Variants in STAMBP observed in about 807,000 individuals in gnomAD.
The protein encoded by STAMBP is STAM binding protein.
In STAMBP, 31 loss-of-function variants were observed where a neutral mutation model predicts 50.7. The observed-to-expected ratio is 0.61, with a 90% CI of 0.46 to 0.83. STAMBP has a LOEUF of 0.83. Among genes scored for constraint, STAMBP ranks in the 40% least tolerant of loss-of-function variants. The pLI, the probability that STAMBP is intolerant of heterozygous loss-of-function variation, is 0.00. For synonymous variants in STAMBP, 211 were observed against 192.4 expected, an observed-to-expected ratio of 1.10 and a Z score of -0.80; for missense variants, 472 against 518.9, an observed-to-expected ratio of 0.91 and a Z score of 0.88.
chr2:73,871,841 C>T (rs1470281973), downstream of STAMBP, among the ~76,000 whole-genome samples: 1 of 152,082 alleles, frequency 6.6e-6, no homozygotes, highest in Non-Finnish European at 1.5e-5. Context: ...GATCTCAGCT[C>T]ACCGCAACCT....
At position 73,862,957 on chromosome 2, in the gene STAMBP, T is replaced by G. The variant is rs1678513179; in HGVS notation, c.*698T>G. The G allele has an allele frequency of 6.6e-6, 1 of 152,320 alleles. No individual in the cohort carries two copies. The highest frequency in any genetic ancestry group is 6.5e-5 in the Admixed American group (1 of 15,284). The allele number at this position is 152,320 out of a possible 1,614,324, so 9.4% of individuals were successfully genotyped here. On this transcript the variant is annotated 3_prime_UTR_variant, in exon 10 of 10. Coordinates refer to ENST00000394070, the MANE Select transcript of STAMBP (RefSeq NM_213622.4). ...AGGTTAAAAAAAAGGTATGGTTGTT[T>G]TGGAAAGGTGAAGGAAAAATGGAAT... is the stretch of plus-strand genomic sequence containing the variant.
At chr2:73,855,990 G>C (rs1677501572) in intron 7 of STAMBP, among the ~76,000 whole-genome samples, 1 of 152,122 alleles carries the variant, frequency 6.6e-6, no homozygotes, top group Non-Finnish European at 1.5e-5. Context: ...AATCATGCTA[G>C]ATCTTTTTCC....
At chr2:73,855,707 C>G (rs1352834545) in intron 7 of STAMBP, 25 of 455,960 alleles carry the variant, frequency 5.5e-5, no homozygotes. Context: ...CTAACACGTT[C>G]CTGTCCTGAA....
chr2:73,842,137 A>C (rs933508320), intron 2 of STAMBP, among the ~76,000 whole-genome samples: 2 of 152,210 alleles, frequency 1.3e-5, no homozygotes, highest in African/African-American at 4.8e-5. Context: ...TACAAAGCAA[A>C]GTAAATAAAT....
At chr2:73,861,066 G>GTACTAGGATGTT (rs1678268320) in intron 9 of STAMBP, among the ~76,000 whole-genome samples, 1 of 152,186 alleles carries the variant, frequency 6.6e-6, no homozygotes, top group African/African-American at 2.4e-5. Flanking sequence ...GAATGTCTAA[G>GTACTAGGATGTT]TACTAGGATG....
Position 73,862,290 on chromosome 2 carries a change from C to T in STAMBP, c.*31C>T. On this transcript the variant is annotated 3_prime_UTR_variant, in exon 10 of 10. Coordinates refer to ENST00000394070, the MANE Select transcript of STAMBP (RefSeq NM_213622.4). ...TGAGTCCAACACCTTCCAAGAACAA[C>T]AAAACCATATCAGTGTACTGTAGCC... The T allele has an allele frequency of 6.3e-7, 1 of 1,597,590 alleles. No individual in the cohort carries two copies. The highest frequency in any genetic ancestry group is 8.5e-7 in the Non-Finnish European group (1 of 1,172,052).
intron 2 of STAMBP, among the ~76,000 whole-genome samples, chr2:73,835,671 A>G (rs993087420): frequency 6.6e-6 from 1 of 152,190 alleles, no homozygotes; most frequent in African/African-American, 2.4e-5. Context: ...CACTTAGGAA[A>G]AAAGATACTG....
At chr2:73,842,765 A>G (rs1675559110) in intron 2 of STAMBP, among the ~76,000 whole-genome samples, 2 of 152,202 alleles carry the variant, frequency 1.3e-5, no homozygotes, top group Admixed American at 1.3e-4. Flanking sequence ...ATACTTGTAC[A>G]TATATGTAAT....
In STAMBP at chr2:73,862,348, G is replaced by A; in HGVS notation, c.*89G>A. ...TTAAGCTTTCTAGAAAGCTTTGGAA[G>A]TTTTTGTAGATAGTAGAAAGGGGGG... On this transcript the variant is annotated 3_prime_UTR_variant, in exon 10 of 10. Transcript: ENST00000394070. 8.1e-7 allele frequency: 1 copy of A among 1,235,706 alleles called. No individual in the cohort carries two copies. Among genetic ancestry groups the A allele is most frequent in the Non-Finnish European group, 1.1e-6 (1 of 901,448 alleles). The allele number at this position is 1,235,706 out of a possible 1,614,324, so 76.5% of individuals were successfully genotyped here.
chr2:73,842,855 G>T (rs933362643), intron 2 of STAMBP, among the ~76,000 whole-genome samples: 6 of 152,186 alleles, frequency 3.9e-5, no homozygotes, highest in African/African-American at 1.4e-4. Flanking sequence ...AAAGAAGCAT[G>T]AAACACAGAA....
rs1678597106 is a variant in STAMBP at position 73,863,684 on chromosome 2, C to T, written c.*1425C>T. On this transcript the variant is annotated 3_prime_UTR_variant, in exon 10 of 10. Coordinates refer to ENST00000394070, the MANE Select transcript of STAMBP (RefSeq NM_213622.4). ...GGACAAGCCATTTCCTGCTGCAGCC[C>T]AGAGCAGCCTGGCTGTTCCACCTTG... 1 of 152,228 alleles carries T rather than the reference C, an allele frequency of 6.6e-6. No homozygotes were observed. The highest frequency in any genetic ancestry group is 2.4e-5 in the African/African-American group (1 of 41,454). The allele number at this position is 152,228 out of a possible 1,614,324, so 9.4% of individuals were successfully genotyped here.
At chr2:73,856,978 A>G (rs972087463) in intron 7 of STAMBP, among the ~76,000 whole-genome samples, 1 of 152,138 alleles carries the variant, frequency 6.6e-6, no homozygotes, top group Non-Finnish European at 1.5e-5. Flanking sequence ...AACCCCAGGG[A>G]AGCCTTTTCT....
intron 2 of STAMBP, among the ~76,000 whole-genome samples, chr2:73,840,743 C>CA (rs1207262099): frequency 1.2e-3 from 131 of 107,186 alleles, no homozygotes; most frequent in South Asian, 3.8e-3. Context: ...GACTCTGTCT[C>CA]AAAAAAAAAA....
intron 9 of STAMBP, among the ~76,000 whole-genome samples, chr2:73,860,990 G>A (rs894949355): frequency 6.6e-6 from 1 of 152,178 alleles, no homozygotes; most frequent in African/African-American, 2.4e-5. Flanking sequence ...TGGAATGATG[G>A]TTTTCTGCTG....
intron 7 of STAMBP, 108 bp from the exon 8 acceptor site, chr2:73,859,146 G>C: frequency 1.3e-6 from 1 of 763,466 alleles, no homozygotes; most frequent in Middle Eastern, 2.3e-4. Flanking sequence ...AATATTTTCA[G>C]ATTGCAGTTG....
In STAMBP at chr2:73,844,821, T is replaced by A. The variant is rs776031046; in HGVS notation, c.212T>A (p.Ile71Asn). Residue 71 changes from isoleucine to asparagine, a missense_variant, in exon 3 of 10, where the codon ATT (isoleucine) becomes AAT (asparagine). By Grantham distance (149) the Ile-to-Asn change is moderately radical. Transcript: ENST00000394070. Reference protein sequence around the residue: ...ILYNKYITLFIEKLPKHRDYK... With the variant: ...ILYNKYITLFNEKLPKHRDYK... ...TTGAACTGTTTCCTTAGGCTCTTTA[T>A]TGAGAAACTACCAAAACATCGAGAT... 6.2e-7 allele frequency: 1 copy of A among 1,613,922 alleles called. No individual in the cohort carries two copies. The highest frequency in any genetic ancestry group is 8.5e-7 in the Non-Finnish European group (1 of 1,179,852).
intron 2 of STAMBP, among the ~76,000 whole-genome samples, chr2:73,839,564 C>G (rs894126232): frequency 6.6e-6 from 1 of 152,156 alleles, no homozygotes; most frequent in Admixed American, 6.5e-5. Flanking sequence ...CTGGAAGAAT[C>G]GAGATGAGGA....
chr2:73,843,115 C>T (rs555927174), intron 2 of STAMBP, among the ~76,000 whole-genome samples: 85 of 151,242 alleles, frequency 5.6e-4, no homozygotes, highest in African/African-American at 1.9e-3. Context: ...ATAGATTCTT[C>T]AGGACTTTAT....
intron 10 of STAMBP, among the ~76,000 whole-genome samples, chr2:73,873,154 G>C (rs753023819): frequency 3.0e-4 from 45 of 152,208 alleles, no homozygotes; most frequent in Non-Finnish European, 4.4e-5. Flanking sequence ...TCACATCTGG[G>C]AGCTCAGGTG....
Sources: allele counts gnomAD v4.1 joint callset (sites outside exome capture counted in the v4.1 genomes callset), GRCh38; gene constraint gnomAD v4.1.1; transcripts MANE v1.5; gene names NCBI Gene and HGNC (gene_info 2026-07-23, HGNC 2026-07-21).